The following SHANK2 variants were observed in gnomAD, a reference collection of about 807,000 sequenced individuals.
SHANK2 encodes SH3 and multiple ankyrin repeat domains 2.
In SHANK2, 43 loss-of-function variants were observed where a neutral mutation model predicts 133.7. That is an observed-to-expected ratio of 0.32 (90% CI 0.25 to 0.41). The LOEUF (loss-of-function observed/expected upper bound fraction) is 0.41. SHANK2 is among the 10% of genes least tolerant of loss of function. SHANK2 has a pLI of 1.00. For synonymous variants in SHANK2, 1,017 were observed against 952.8 expected, an observed-to-expected ratio of 1.07 and a Z score of -1.24; for missense variants, 1,994 against 2,235.8, an observed-to-expected ratio of 0.89 and a Z score of 2.18.
At chr11:70,850,712 G>A (rs111560946) in intron 11 of SHANK2, among the ~76,000 whole-genome samples, 395 of 152,272 alleles carry the variant, frequency 2.6e-3, no homozygotes, top group African/African-American at 9.0e-3. Flanking sequence ...TGAGGCACCC[G>A]GACCTTCTAG....
In SHANK2 at chr11:70,539,773, C is replaced by CGG. The variant is rs531271451; in HGVS notation, c.2062-36844_2062-36843dup. On this transcript the variant is annotated intron_variant, in intron 17 of 25. Coordinates refer to ENST00000601538, the MANE Select transcript of SHANK2 (RefSeq NM_012309.5). ...GTTTCCAGGGAGTGCGCTTCTCTCC[C>CGG]GGGGGGGCCGTAGCAGAGGGCCTGG... Among the ~76,000 whole-genome samples the CGG allele has an allele frequency of 4.5e-3, 685 of 152,146 alleles. 6 individuals carry two copies. The highest frequency in any genetic ancestry group is 0.016 in the African/African-American group (651 of 41,492).
chr11:70,789,425 AC>A (rs1473228396), intron 14 of SHANK2, among the ~76,000 whole-genome samples: 1 of 152,112 alleles, frequency 6.6e-6, no homozygotes, highest in African/African-American at 2.4e-5. Flanking sequence ...ATGCAGACTT[AC>A]CCCACAAGAG....
intron 17 of SHANK2, among the ~76,000 whole-genome samples, chr11:70,562,017 T>C (rs61885899): frequency 0.21 from 32,337 of 152,192 alleles, 3,729 homozygotes; most frequent in Admixed American, 0.28. Context: ...TTGGTTCCAA[T>C]ATTTTCTAAT....
chr11:70,917,675 TAAAA>T (rs1294411748), intron 10 of SHANK2, among the ~76,000 whole-genome samples: 1 of 152,138 alleles, frequency 6.6e-6, no homozygotes, highest in Non-Finnish European at 1.5e-5. Context: ...TACGCAGCCA[TAAAA>T]AAGAACAAGA....
chr11:70,749,146 C>T (rs1946705990), intron 14 of SHANK2, among the ~76,000 whole-genome samples: 1 of 152,182 alleles, frequency 6.6e-6, no homozygotes, highest in African/African-American at 2.4e-5. Context: ...AACCCCAGTA[C>T]AGCTGACATC....
At chr11:70,596,167 G>T (rs1041587263) in intron 17 of SHANK2, among the ~76,000 whole-genome samples, 5 of 152,222 alleles carry the variant, frequency 3.3e-5, no homozygotes, top group Admixed American at 3.3e-4. Flanking sequence ...GCTGTCCTGC[G>T]TGTGGTGATT....
chr11:71,124,642 T>C (rs1952148394), intron 3 of SHANK2, among the ~76,000 whole-genome samples: 1 of 152,270 alleles, frequency 6.6e-6, no homozygotes, highest in African/African-American at 2.4e-5. Flanking sequence ...TAGAAAGCAG[T>C]AGAGGTTTGG....
intron 3 of SHANK2, among the ~76,000 whole-genome samples, chr11:71,141,922 A>G (rs762468415): frequency 1.3e-5 from 2 of 152,144 alleles, no homozygotes; most frequent in Non-Finnish European, 2.9e-5. Context: ...CAGACACAAA[A>G]TGAACCACAG....
At chr11:71,229,300 A>G (rs1954697030) in intron 1 of SHANK2, among the ~76,000 whole-genome samples, 1 of 152,256 alleles carries the variant, frequency 6.6e-6, no homozygotes, top group African/African-American at 2.4e-5. Flanking sequence ...ATTTGCACAC[A>G]GCATGAAAAA....
chr11:70,496,439 G>A (rs1456992440), intron 21 of SHANK2, among the ~76,000 whole-genome samples: 1 of 152,160 alleles, frequency 6.6e-6, no homozygotes, highest in Non-Finnish European at 1.5e-5. Context: ...ACAGGCTGCA[G>A]GCTGCGATTT....
At chr11:70,822,433 G>A (rs539454988) in intron 11 of SHANK2, among the ~76,000 whole-genome samples, 11 of 152,202 alleles carry the variant, frequency 7.2e-5, no homozygotes, top group Admixed American at 6.5e-4. Context: ...CAGAACTCAA[G>A]GGGGATAGAG....
intron 10 of SHANK2, among the ~76,000 whole-genome samples, chr11:70,948,801 G>A (rs1950791952): frequency 6.6e-6 from 1 of 152,226 alleles, no homozygotes; most frequent in Non-Finnish European, 1.5e-5. Flanking sequence ...AATTTTTCAA[G>A]AGAAGCTGGA....
intron 9 of SHANK2, among the ~76,000 whole-genome samples, chr11:71,064,978 G>A (rs1030638953): frequency 3.0e-4 from 46 of 152,254 alleles, no homozygotes; most frequent in African/African-American, 9.4e-4. Context: ...AGACAGGCCC[G>A]CCGGAGGTCA....
intron 11 of SHANK2, among the ~76,000 whole-genome samples, chr11:70,825,776 A>AT (rs10623914): frequency 0.11 from 16,950 of 151,394 alleles, 1,183 homozygotes; most frequent in African/African-American, 0.2. Context: ...GGAAATGATG[A>AT]TTTTTTTTTG....
chr11:70,528,667 C>T (rs1392248894), intron 17 of SHANK2, among the ~76,000 whole-genome samples: 2 of 151,954 alleles, frequency 1.3e-5, no homozygotes, highest in African/African-American at 4.8e-5. Context: ...CTCTCCTGGG[C>T]GATTCTTTAC....
At chr11:71,197,839 T>A (rs960349761) in intron 2 of SHANK2, among the ~76,000 whole-genome samples, 1 of 152,156 alleles carries the variant, frequency 6.6e-6, no homozygotes, top group African/African-American at 2.4e-5. Context: ...AAAGGCCATT[T>A]CTGAGCCACA....
intron 17 of SHANK2, among the ~76,000 whole-genome samples, chr11:70,631,399 C>CAT (rs140944131): frequency 6.6e-6 from 1 of 150,410 alleles, no homozygotes; most frequent in Non-Finnish European, 1.5e-5. Flanking sequence ...CACACACACA[C>CAT]ACACACACAC....
intron 10 of SHANK2, among the ~76,000 whole-genome samples, chr11:70,916,472 T>C (rs1474024879): frequency 6.6e-6 from 1 of 152,060 alleles, no homozygotes; most frequent in East Asian, 1.9e-4. Context: ...AGCTAAATCC[T>C]AGCATCAGTC....
intron 2 of SHANK2, among the ~76,000 whole-genome samples, chr11:71,200,990 T>C (rs1231082604): frequency 6.6e-6 from 1 of 152,122 alleles, no homozygotes; most frequent in African/African-American, 2.4e-5. Flanking sequence ...TGGCAGGGCC[T>C]GCCACGGGCC....
Sources: allele counts gnomAD v4.1 joint callset (sites outside exome capture counted in the v4.1 genomes callset), GRCh38; gene constraint gnomAD v4.1.1; transcripts MANE v1.5; gene names NCBI Gene and HGNC (gene_info 2026-07-23, HGNC 2026-07-21).